The following PRKG1 variants were observed in gnomAD, a reference collection of about 807,000 sequenced individuals.
The protein encoded by PRKG1 is protein kinase cGMP-dependent 1.
Under a neutral mutation model 88.1 loss-of-function variants are expected in PRKG1, and 35 were observed. That is an observed-to-expected ratio of 0.40 (90% CI 0.30 to 0.53). The LOEUF (loss-of-function observed/expected upper bound fraction) is 0.53. Ranked by LOEUF, PRKG1 falls within the 20% of genes least tolerant of loss-of-function variation. The probability of loss-of-function intolerance (pLI) is 0.59; values close to 1 mark genes in which losing one functional copy is unlikely to be tolerated. For synonymous variants in PRKG1, 303 were observed against 292.5 expected, an observed-to-expected ratio of 1.04 and a Z score of -0.37; for missense variants, 540 against 839.8, an observed-to-expected ratio of 0.64 and a Z score of 4.41.
At chr10:52,105,115 TAAAAG>T (rs71898392) in intron 7 of PRKG1, among the ~76,000 whole-genome samples, 8,798 of 152,176 alleles carry the variant, frequency 0.058, 480 homozygotes, top group East Asian at 0.34. Context: ...CTTAAAATCT[TAAAAG>T]GAAGAACTTA....
At chr10:52,007,806 A>G (rs1844777180) in intron 5 of PRKG1, among the ~76,000 whole-genome samples, 1 of 152,182 alleles carries the variant, frequency 6.6e-6, no homozygotes, top group African/African-American at 2.4e-5. Context: ...TCTCCACCTA[A>G]AAGCAACAGA....
At position 52,184,468 on chromosome 10, in the gene PRKG1, C is replaced by T. The variant is rs534080937; in HGVS notation, c.1076+22505C>T. 6.6e-5 allele frequency among the ~76,000 whole-genome samples: 10 copies of T among 152,246 alleles called. No homozygotes were observed. In the South Asian group the frequency reaches 2.1e-3, roughly 32 times the overall value. Reference sequence around the variant, plus strand: ...AATTTTAATAATTTCATAAACATTTCTAAATTAATCTATTCATAGGCTTGT... The same window carrying T: ...AATTTTAATAATTTCATAAACATTTTTAAATTAATCTATTCATAGGCTTGT... On this transcript the variant is annotated intron_variant, in intron 9 of 17. Transcript: ENST00000373980.
chr10:52,294,247 CT>C lies in PRKG1; in HGVS notation c.*349del. ...TTCAATGTAGTATAAGAGTCTGTAC[CT>C]TGCTGGAATATTCAAGAAGATGAAA... is the stretch of plus-strand genomic sequence containing the variant. On this transcript the variant is annotated 3_prime_UTR_variant, in exon 18 of 18. Transcript: ENST00000373980. 5.6e-6 allele frequency: 1 copy of C among 178,056 alleles called. No homozygotes were observed. The highest frequency in any genetic ancestry group is 1.2e-5 in the Non-Finnish European group (1 of 85,030). The allele number at this position is 178,056 out of a possible 1,614,324, so 11.0% of individuals were successfully genotyped here.
chr10:51,384,893 A>G (rs898674095), intron 2 of PRKG1, among the ~76,000 whole-genome samples: 1 of 152,252 alleles, frequency 6.6e-6, no homozygotes, highest in Non-Finnish European at 1.5e-5. Flanking sequence ...AACAGTGCAC[A>G]TAACTCTGTT....
chr10:51,946,507 A>C (rs6480606), intron 5 of PRKG1, among the ~76,000 whole-genome samples: 118,502 of 151,962 alleles, frequency 0.78, 46,799 homozygotes, highest in African/African-American at 0.9. Flanking sequence ...TGGTGAGGAG[A>C]TGTGTTCCTT....
Position 51,153,172 on chromosome 10 carries a change from A to T in PRKG1, c.320A>T (p.Asp107Val), listed in dbSNP as rs1307728986. 1 of 1,611,526 alleles carries T rather than the reference A, an allele frequency of 6.2e-7. No individual in the cohort carries two copies. ...PFYPKSPQSK[D>V]LIKEAILDND... The stretch of plus-strand genomic sequence containing the variant: ...TCCCTCTCTTGCCATAGGTCCAAGG[A>T]TCTTATAAAGGAAGCTATCCTTGAC... The change falls in exon 2 of 18, where the codon GAT (aspartate) becomes GTT (valine). Residue 107 changes from aspartate to valine, a missense_variant. Transcript: ENST00000373980.
At chr10:51,048,751 G>T (rs1843522416) in intron 1 of PRKG1, among the ~76,000 whole-genome samples, 1 of 152,142 alleles carries the variant, frequency 6.6e-6, no homozygotes, top group Non-Finnish European at 1.5e-5. Context: ...TAGACAAGTG[G>T]CCAACAGTGA....
intron 5 of PRKG1, among the ~76,000 whole-genome samples, chr10:52,026,056 A>G (rs951770201): frequency 1.3e-5 from 2 of 151,970 alleles, no homozygotes; most frequent in African/African-American, 4.8e-5. Context: ...TGACAAAAAC[A>G]AGCAATGGGG....
chr10:51,620,188 T>C (rs1435560779), intron 3 of PRKG1, among the ~76,000 whole-genome samples: 1 of 152,154 alleles, frequency 6.6e-6, no homozygotes, highest in Non-Finnish European at 1.5e-5. Flanking sequence ...AATTTTAGCA[T>C]AATAAATCTT....
chr10:51,959,442 T>C (rs114395788), intron 5 of PRKG1, among the ~76,000 whole-genome samples: 349 of 152,238 alleles, frequency 2.3e-3, no homozygotes, highest in African/African-American at 8.1e-3. Context: ...AAGGTGGAAA[T>C]GTAGAGTACG....
At chr10:51,530,723 G>A (rs188355756) in intron 3 of PRKG1, among the ~76,000 whole-genome samples, 68 of 152,274 alleles carry the variant, frequency 4.5e-4, no homozygotes, top group Non-Finnish European at 4.4e-4. Context: ...GAGGCTGCCA[G>A]GAAGCCCACA....
At chr10:51,978,097 T>G (rs760303115) in intron 5 of PRKG1, among the ~76,000 whole-genome samples, 1 of 152,088 alleles carries the variant, frequency 6.6e-6, no homozygotes, top group Non-Finnish European at 1.5e-5. Context: ...TTTTTTATAG[T>G]TTTGAGTTTT....
At chr10:51,220,222 C>T (rs1419831498) in intron 2 of PRKG1, among the ~76,000 whole-genome samples, 1 of 152,126 alleles carries the variant, frequency 6.6e-6, no homozygotes, top group Admixed American at 6.5e-5. Flanking sequence ...AGTCCTATAG[C>T]CACAAGGAAC....
intron 3 of PRKG1, among the ~76,000 whole-genome samples, chr10:51,532,020 T>TA (rs141437763): frequency 0.023 from 3,497 of 152,270 alleles, 46 homozygotes; most frequent in Non-Finnish European, 0.038. Context: ...AATGTACTTT[T>TA]ACAAAAACCA....
intron 1 of PRKG1, among the ~76,000 whole-genome samples, chr10:51,008,238 T>G (rs1842959797): frequency 6.6e-6 from 1 of 152,202 alleles, no homozygotes. Context: ...ATAGGTAGGC[T>G]TGGGGAATTT....
intron 2 of PRKG1, among the ~76,000 whole-genome samples, chr10:51,428,568 C>T (rs1838662927): frequency 1.3e-5 from 2 of 152,134 alleles, no homozygotes; most frequent in Non-Finnish European, 2.9e-5. Context: ...ATTTGAGAAA[C>T]ATTTATTAAG....
At chr10:51,911,855 T>G (rs1230825356) in intron 5 of PRKG1, among the ~76,000 whole-genome samples, 1 of 152,196 alleles carries the variant, frequency 6.6e-6, no homozygotes, top group Admixed American at 6.5e-5. Context: ...CCAGATAATT[T>G]TGAAAGGAAA....
intron 4 of PRKG1, among the ~76,000 whole-genome samples, chr10:51,825,100 A>G (rs1307471155): frequency 3.3e-5 from 5 of 152,190 alleles, no homozygotes; most frequent in African/African-American, 1.2e-4. Context: ...AAACTACCAG[A>G]AATACTGACT....
chr10:51,948,376 A>G (rs1843104017), intron 5 of PRKG1, among the ~76,000 whole-genome samples: 1 of 152,146 alleles, frequency 6.6e-6, no homozygotes, highest in African/African-American at 2.4e-5. Flanking sequence ...TTTGTTGCCC[A>G]TTAATGAACT....
Sources: gnomAD v4.1 joint callset for allele counts (sites outside exome capture counted in the v4.1 genomes callset) on GRCh38, gnomAD v4.1.1 for gene constraint, MANE v1.5 for transcripts, NCBI Gene and HGNC (gene_info 2026-07-23, HGNC 2026-07-21) for gene names.